The following HMG20A variants were observed in gnomAD, a reference collection of about 807,000 sequenced individuals.
HMG20A encodes high mobility group protein 20A.
In HMG20A, 17 loss-of-function variants were observed where a neutral mutation model predicts 43.9. That is an observed-to-expected ratio of 0.39 (90% CI 0.27 to 0.58). The LOEUF (loss-of-function observed/expected upper bound fraction) is 0.58, where lower values mean the gene tolerates loss of function less well. HMG20A is among the 20% of genes least tolerant of loss of function. HMG20A has a pLI of 0.59. For synonymous variants in HMG20A, 132 were observed against 147.5 expected, an observed-to-expected ratio of 0.89 and a Z score of 0.76; for missense variants, 341 against 438.2, an observed-to-expected ratio of 0.78 and a Z score of 1.98.
intron 1 of HMG20A, chr15:77,447,884 T>C (rs559620447): frequency 4.6e-5 from 7 of 152,338 alleles, no homozygotes; most frequent in South Asian, 2.1e-4. Context: ...ATTATTTCTT[T>C]TGTGGCCAAA....
intron 3 of HMG20A, among the ~76,000 whole-genome samples, chr15:77,465,369 A>G (rs958979178): frequency 5.3e-5 from 8 of 149,872 alleles, no homozygotes; most frequent in Non-Finnish European, 1.0e-4. Context: ...TTTCTTAAAT[A>G]CCTTGAAATT....
chr15:77,433,041 A>G (rs554397907), intron 1 of HMG20A, among the ~76,000 whole-genome samples: 1 of 152,210 alleles, frequency 6.6e-6, no homozygotes, highest in Non-Finnish European at 1.5e-5. Flanking sequence ...ATATCTGAAT[A>G]CTGTTTTTAT....
chr15:77,517,827 C>T, the HMG20A span, among the ~76,000 whole-genome samples: 2 of 151,952 alleles, frequency 1.3e-5, no homozygotes, highest in African/African-American at 4.8e-5. Context: ...GTGCCTGGGG[C>T]AGCAGAAAAC....
chr15:77,504,589 G>A, the HMG20A span, among the ~76,000 whole-genome samples: 1 of 152,226 alleles, frequency 6.6e-6, no homozygotes, highest in Non-Finnish European at 1.5e-5. Context: ...AATGTACTGG[G>A]GAAAGCTTTG....
At chr15:77,421,415 G>A (rs1158468773) in intron 1 of HMG20A, among the ~76,000 whole-genome samples, 1 of 152,208 alleles carries the variant, frequency 6.6e-6, no homozygotes, top group Admixed American at 6.5e-5. Flanking sequence ...TTCCTCCCCA[G>A]CAAAATTGTC....
Position 77,452,548 on chromosome 15 carries a change from A to G in HMG20A, c.-4-5856A>G, listed in dbSNP as rs147341705. Among the ~76,000 whole-genome samples the G allele has an allele frequency of 3.9e-5, 6 of 152,322 alleles. No homozygotes were observed. The East Asian group carries it at 1.2e-3, about 29-fold the overall frequency. On this transcript the variant is annotated intron_variant, in intron 1 of 9. Transcript: ENST00000336216. ...GTACTAGGAAGTATTCCAACCAAAG[A>G]CAACAAATGGCAGTTGCAGAGATGT...
At chr15:77,461,389 T>G (rs2072703476) in intron 2 of HMG20A, among the ~76,000 whole-genome samples, 1 of 152,138 alleles carries the variant, frequency 6.6e-6, no homozygotes, top group Non-Finnish European at 1.5e-5. Flanking sequence ...TTGTTTTGTG[T>G]TAAGAGAATT....
the HMG20A span, among the ~76,000 whole-genome samples, chr15:77,519,543 C>T: frequency 6.6e-6 from 1 of 152,140 alleles, no homozygotes; most frequent in South Asian, 2.1e-4. Context: ...GGATTATGTC[C>T]TTATAAAAGA....
intron 3 of HMG20A, among the ~76,000 whole-genome samples, 199 bp from the exon 4 acceptor site, chr15:77,466,896 C>G (rs550870784): frequency 1.2e-4 from 19 of 152,310 alleles, no homozygotes; most frequent in African/African-American, 4.6e-4. Flanking sequence ...GCAAGTGAAG[C>G]ATCTGGAGTT....
chr15:77,442,958 G>A (rs181068150), intron 1 of HMG20A, among the ~76,000 whole-genome samples: 23 of 151,206 alleles, frequency 1.5e-4, no homozygotes, highest in Middle Eastern at 6.9e-3. Flanking sequence ...ACTGCTGAAG[G>A]TTGAGTTTAA....
At chr15:77,498,619 G>A in the HMG20A span, among the ~76,000 whole-genome samples, 2 of 152,128 alleles carry the variant, frequency 1.3e-5, no homozygotes, top group African/African-American at 4.8e-5. Context: ...CGGTTCTGCC[G>A]CTTGTTAGCA....
chr15:77,457,103 G>C (rs2072661550), intron 1 of HMG20A, among the ~76,000 whole-genome samples: 2 of 152,160 alleles, frequency 1.3e-5, no homozygotes, highest in African/African-American at 4.8e-5. Context: ...AACTTGGCCT[G>C]CTAAATAATA....
At chr15:77,458,228 GCCC>G (rs2072674030) in intron 1 of HMG20A, 173 bp from the exon 2 acceptor site, 2 of 492,788 alleles carry the variant, frequency 4.1e-6, no homozygotes, top group Non-Finnish European at 7.2e-6. Context: ...AGGTTAAAAG[GCCC>G]ATTTACCATA....
At chr15:77,461,053 G>C (rs1205606308) in intron 2 of HMG20A, among the ~76,000 whole-genome samples, 1 of 151,794 alleles carries the variant, frequency 6.6e-6, no homozygotes, top group Non-Finnish European at 1.5e-5. Context: ...TGAGTTGCTA[G>C]AAAGGTCGCA....
At chr15:77,496,048 G>C in the HMG20A span, among the ~76,000 whole-genome samples, 1 of 152,084 alleles carries the variant, frequency 6.6e-6, no homozygotes, top group Non-Finnish European at 1.5e-5. Context: ...GAAGGGAGCC[G>C]AGCATGGTCT....
At position 77,438,367 on chromosome 15, in the gene HMG20A, T is replaced by C. The variant is rs148854669; in HGVS notation, c.-5+17363T>C. The stretch of plus-strand genomic sequence containing the variant: ...GTTACTCCTGAGATTTACAATATTG[T>C]TTGTAAATATTATTAACTATTTTAG... On this transcript the variant is annotated intron_variant, in intron 1 of 9. Coordinates refer to ENST00000336216, the MANE Select transcript of HMG20A (RefSeq NM_001304504.2). Among the ~76,000 whole-genome samples, 816 of 152,216 alleles carry C rather than the reference T, an allele frequency of 5.4e-3. 14 individuals carry two copies. Among genetic ancestry groups the C allele is most frequent in the Admixed American group, 0.022 (337 of 15,290 alleles).
At position 77,484,653 on chromosome 15, in the gene HMG20A, A is replaced by G. The variant is rs534898870; in HGVS notation, c.*1690A>G. 1.3e-5 allele frequency: 2 copies of G among 152,352 alleles called. No individual in the cohort carries two copies. The highest frequency in any genetic ancestry group is 1.3e-4 in the Admixed American group (2 of 15,304). The allele number at this position is 152,352 out of a possible 1,614,324, so 9.4% of individuals were successfully genotyped here. On this transcript the variant is annotated 3_prime_UTR_variant, in exon 10 of 10. Coordinates refer to ENST00000336216, the MANE Select transcript of HMG20A (RefSeq NM_001304504.2). ...ATCAAATATCCATGCGCTGAAACCC[A>G]CATACCATCACTTGGCAATTTTTTA...
At chr15:77,477,180 A>C (rs1344063183) in intron 6 of HMG20A, among the ~76,000 whole-genome samples, 4 of 152,218 alleles carry the variant, frequency 2.6e-5, no homozygotes, top group Admixed American at 6.5e-5. Context: ...AACCAACAAA[A>C]GTGACTGAAA....
chr15:77,492,545 C>T, the HMG20A span, among the ~76,000 whole-genome samples: 6 of 151,262 alleles, frequency 4.0e-5, no homozygotes, highest in Admixed American at 6.6e-5. Flanking sequence ...AGCATGCAGT[C>T]GGGGGCTGGG....
Sources: gnomAD v4.1 joint callset for allele counts (sites outside exome capture counted in the v4.1 genomes callset) on GRCh38, gnomAD v4.1.1 for gene constraint, MANE v1.5 for transcripts, NCBI Gene and HGNC (gene_info 2026-07-23, HGNC 2026-07-21) for gene names.